The following ANKS1B variants were observed in gnomAD, a reference collection of about 807,000 sequenced individuals.
ANKS1B encodes the protein ankyrin repeat and sterile alpha motif domain-containing protein 1B.
In ANKS1B, 36 loss-of-function variants were observed where a neutral mutation model predicts 148.3. The observed-to-expected ratio is 0.24, with a 90% CI of 0.19 to 0.32. The LOEUF is 0.32. ANKS1B is among the 10% of genes least tolerant of loss of function. The probability of loss-of-function intolerance (pLI) is 1.00; values close to 1 mark genes in which losing one functional copy is unlikely to be tolerated. For synonymous variants in ANKS1B, 542 were observed against 560.8 expected (o/e 0.97, Z 0.47); for missense variants, 1,157 against 1,542.6 (o/e 0.75, Z 4.19).
At chr12:99,583,494 T>C (rs1041833423) in intron 9 of ANKS1B, among the ~76,000 whole-genome samples, 4 of 152,328 alleles carry the variant, frequency 2.6e-5, no homozygotes, top group Middle Eastern at 3.4e-3. Context: ...TATTTTTCTT[T>C]ATATTTCCAA....
At position 98,743,994 on chromosome 12, in the gene ANKS1B, A is replaced by AT. The variant is rs2097827894; in HGVS notation, c.*1744dup. ...ACCACTGCTGTACAACTTCTGTTTT[A>AT]TTTTTGTGTGCTTTTTTTATAGGAT... On this transcript the variant is annotated 3_prime_UTR_variant, in exon 27 of 27. Coordinates refer to ENST00000683438, the MANE Select transcript of ANKS1B (RefSeq NM_001352186.2). 1.0e-6 allele frequency: 1 copy of AT among 983,248 alleles called. No individual in the cohort carries two copies. Among genetic ancestry groups the AT allele is most frequent in the Non-Finnish European group, 1.2e-6 (1 of 828,072 alleles). 60.9% of individuals were successfully genotyped at this position (983,248 alleles called of 1,614,324 possible).
intron 4 of ANKS1B, among the ~76,000 whole-genome samples, chr12:99,790,381 T>C (rs1395315116): frequency 6.6e-6 from 1 of 152,122 alleles, no homozygotes; most frequent in Non-Finnish European, 1.5e-5. Context: ...AGTTCTTCAA[T>C]CTGAAAGAAA....
In ANKS1B at chr12:98,894,159, C is replaced by T. The variant is rs76068459; in HGVS notation, c.2779-62023G>A. On this transcript the variant is annotated intron_variant, in intron 17 of 26. Coordinates refer to ENST00000683438, the MANE Select transcript of ANKS1B (RefSeq NM_001352186.2). ...GAGGGAAGAGAGAGGGAGCACACTC[C>T]ACACCAACCTTGCCAGCTTCTATTC... is the stretch of plus-strand genomic sequence containing the variant. Among the ~76,000 whole-genome samples the T allele has an allele frequency of 3.2e-3, 493 of 152,320 alleles. 11 individuals carry two copies. In the East Asian group the frequency reaches 0.061, roughly 19 times the overall value.
At chr12:99,857,264 G>T (rs2089290631) in intron 1 of ANKS1B, among the ~76,000 whole-genome samples, 2 of 151,932 alleles carry the variant, frequency 1.3e-5, no homozygotes, top group Admixed American at 6.6e-5. Context: ...ATCAAATCAA[G>T]AACTCAAGCC....
At chr12:99,479,425 T>C (rs193229394) in intron 10 of ANKS1B, among the ~76,000 whole-genome samples, 12 of 152,144 alleles carry the variant, frequency 7.9e-5, no homozygotes, top group Non-Finnish European at 1.8e-4. Flanking sequence ...TCAACATTAA[T>C]AAAGCTTTCT....
chr12:99,950,014 G>A (rs2095173511), intron 1 of ANKS1B, among the ~76,000 whole-genome samples: 1 of 151,868 alleles, frequency 6.6e-6, no homozygotes, highest in South Asian at 2.1e-4. Flanking sequence ...AGACTGGAGT[G>A]CAGTAGCACG....
chr12:99,666,308 A>T (rs545033162), intron 8 of ANKS1B, among the ~76,000 whole-genome samples: 1 of 152,346 alleles, frequency 6.6e-6, no homozygotes, highest in African/African-American at 2.4e-5. Context: ...TTTTAGAGTA[A>T]GCTGTCAATA....
chr12:99,227,249 C>G (rs776652268), intron 14 of ANKS1B, among the ~76,000 whole-genome samples: 1 of 152,142 alleles, frequency 6.6e-6, no homozygotes, highest in Non-Finnish European at 1.5e-5. Flanking sequence ...TACCTCCCCC[C>G]TCTCTCGCTT....
At chr12:99,876,677 C>T (rs150337298) in intron 1 of ANKS1B, among the ~76,000 whole-genome samples, 49 of 151,192 alleles carry the variant, frequency 3.2e-4, no homozygotes, top group African/African-American at 1.1e-3. Flanking sequence ...TTGCAGTAAG[C>T]CAAGATCATG....
In ANKS1B at chr12:98,775,861, G is replaced by A. The variant is rs533356124; in HGVS notation, c.3442-2682C>T. On this transcript the variant is annotated intron_variant, in intron 24 of 26. Transcript: ENST00000683438. The stretch of plus-strand genomic sequence containing the variant: ...TCCAAAATCAGCCTTCTCCCCGACT[G>A]TGGAAACTTCTACTACTCTGTTCCC... Among the ~76,000 whole-genome samples, 11 of 152,302 alleles carry A rather than the reference G, an allele frequency of 7.2e-5. No individual in the cohort carries two copies. In the South Asian group the frequency reaches 2.1e-3, roughly 29 times the overall value.
At chr12:98,958,251 A>T (rs2099865667) in intron 17 of ANKS1B, among the ~76,000 whole-genome samples, 1 of 152,248 alleles carries the variant, frequency 6.6e-6, no homozygotes, top group Non-Finnish European at 1.5e-5. Context: ...GGGAATAACT[A>T]TAAATTATGA....
chr12:99,746,286 T>C (rs2060584553), intron 8 of ANKS1B, among the ~76,000 whole-genome samples: 1 of 152,216 alleles, frequency 6.6e-6, no homozygotes, highest in Non-Finnish European at 1.5e-5. Context: ...TAATTCAGTG[T>C]AACAAATATT....
intron 12 of ANKS1B, among the ~76,000 whole-genome samples, chr12:99,356,146 G>C (rs2091958551): frequency 6.6e-6 from 1 of 152,070 alleles, no homozygotes; most frequent in Non-Finnish European, 1.5e-5. Context: ...CTCTAGAACT[G>C]ATATAGATGC....
chr12:98,967,124 G>A (rs1001171497), intron 17 of ANKS1B, among the ~76,000 whole-genome samples: 2 of 152,168 alleles, frequency 1.3e-5, no homozygotes, highest in Non-Finnish European at 2.9e-5. Flanking sequence ...AAGGCTCAAC[G>A]TGACCAGCTG....
At chr12:99,670,939 T>C in intron 8 of ANKS1B, among the ~76,000 whole-genome samples, 1 of 152,168 alleles carries the variant, frequency 6.6e-6, no homozygotes, top group East Asian at 1.9e-4. Flanking sequence ...GTAAAACTGA[T>C]AGTTTAAAAC....
At chr12:99,179,803 T>G (rs1345627930) in intron 14 of ANKS1B, among the ~76,000 whole-genome samples, 1 of 152,190 alleles carries the variant, frequency 6.6e-6, no homozygotes, top group Non-Finnish European at 1.5e-5. Context: ...TGCTGACATA[T>G]GATAAATCCT....
At chr12:99,306,235 T>C (rs183312673) in intron 12 of ANKS1B, among the ~76,000 whole-genome samples, 2 of 152,054 alleles carry the variant, frequency 1.3e-5, no homozygotes, top group African/African-American at 4.8e-5. Flanking sequence ...TGTGTACTGC[T>C]CCCTCAGCAA....
At chr12:98,879,184 A>C (rs1365528340) in intron 17 of ANKS1B, among the ~76,000 whole-genome samples, 1 of 152,212 alleles carries the variant, frequency 6.6e-6, no homozygotes, top group Non-Finnish European at 1.5e-5. Context: ...CAAGGATGAA[A>C]GCTGGCATGA....
intron 12 of ANKS1B, among the ~76,000 whole-genome samples, chr12:99,331,496 G>A (rs2087549262): frequency 6.6e-6 from 1 of 151,816 alleles, no homozygotes; most frequent in African/African-American, 2.4e-5. Context: ...CAATATGAAC[G>A]CTGGAGTTCT....
Sources: allele counts gnomAD v4.1 joint callset (sites outside exome capture counted in the v4.1 genomes callset), GRCh38; gene constraint gnomAD v4.1.1; transcripts MANE v1.5; gene names NCBI Gene and HGNC (gene_info 2026-07-23, HGNC 2026-07-21).